EDC3: variants seen among roughly 807,000 people sequenced by gnomAD.
EDC3 encodes the protein enhancer of mRNA decapping 3, also known as enhancer of mRNA-decapping protein 3.
A neutral mutation model predicts 41.8 loss-of-function variants in EDC3; 20 were observed. That is an observed-to-expected ratio of 0.48 (90% confidence interval 0.34 to 0.70). The LOEUF (loss-of-function observed/expected upper bound fraction) is 0.70. Among genes scored for constraint, EDC3 ranks in the 30% least tolerant of loss-of-function variants. The pLI is 0.01. For missense variants in EDC3, 444 were observed against 636.8 expected (o/e 0.70, Z 3.26); for synonymous variants, 206 against 243.2 (o/e 0.85, Z 1.42).
intron 3 of EDC3, among the ~76,000 whole-genome samples, chr15:74,656,442 A>C (rs946908436): frequency 3.3e-4 from 32 of 96,440 alleles, no homozygotes; most frequent in East Asian, 1.3e-3. Context: ...CACACACACA[A>C]ACAACAACAA....
At chr15:74,656,752 T>G (rs1291656892) in intron 3 of EDC3, among the ~76,000 whole-genome samples, 2 of 152,150 alleles carry the variant, frequency 1.3e-5, no homozygotes, top group East Asian at 3.8e-4. Flanking sequence ...AATGTTGTCT[T>G]TTCTTAAACC....
rs1567154941 is a variant in EDC3 at position 74,640,453 on chromosome 15, T to C, written c.974+13A>G. The C allele has an allele frequency of 6.2e-7, 1 of 1,613,398 alleles. No homozygotes were observed. The highest frequency in any genetic ancestry group is 2.2e-5 in the East Asian group (1 of 44,878). ...ACTCCACATTGAGTCCCTGCCAGTT[T>C]ATAGACATTTACCTGTTAGGTCCTC... On this transcript the variant is annotated intron_variant, in intron 5 of 6. Transcript: ENST00000315127.
At chr15:74,660,823 G>A (rs546752956) in intron 3 of EDC3, among the ~76,000 whole-genome samples, 2 of 152,202 alleles carry the variant, frequency 1.3e-5, no homozygotes, top group South Asian at 4.1e-4. Context: ...TAAACTTTAT[G>A]AATTTTAATG....
intron 4 of EDC3, chr15:74,640,842 G>T: frequency 1.8e-6 from 1 of 565,938 alleles, no homozygotes; most frequent in Non-Finnish European, 3.1e-6. Flanking sequence ...CACAGAGTGG[G>T]GACAAACTTA....
intron 4 of EDC3, among the ~76,000 whole-genome samples, chr15:74,654,376 T>C (rs2141612310): frequency 6.6e-6 from 1 of 152,348 alleles, no homozygotes; most frequent in Admixed American, 6.5e-5. Context: ...CAGGAGCAGC[T>C]TCTTTTACAA....
intron 1 of EDC3, among the ~76,000 whole-genome samples, chr15:74,678,239 A>C (rs1035053608): frequency 2.0e-5 from 3 of 152,156 alleles, no homozygotes; most frequent in African/African-American, 4.8e-5. Context: ...TGGACTCTGG[A>C]TGACAACGAA....
At position 74,631,395 on chromosome 15, in the gene EDC3, G is replaced by C. The variant is rs1444635204; in HGVS notation, c.*1217C>G. On this transcript the variant is annotated 3_prime_UTR_variant, in exon 7 of 7. Coordinates refer to ENST00000315127, the MANE Select transcript of EDC3 (RefSeq NM_025083.5). ...AGATCCTGTTCTACCAGCCTCCAGGGCCTAGAGCTTGGCACCTTAGGATTT... is the reference window on the plus strand; with the variant it reads ...AGATCCTGTTCTACCAGCCTCCAGGCCCTAGAGCTTGGCACCTTAGGATTT... The C allele has an allele frequency of 6.6e-6, 1 of 152,248 alleles. No homozygotes were observed. Among genetic ancestry groups the C allele is most frequent in the Non-Finnish European group, 1.5e-5 (1 of 68,068 alleles). The allele number at this position is 152,248 out of a possible 1,614,324, so 9.4% of individuals were successfully genotyped here. A position where few individuals can be genotyped will look rare whatever the true frequency, so the allele number is the denominator to read the frequency against.
At chr15:74,664,400 C>G (rs1401600344) in intron 3 of EDC3, among the ~76,000 whole-genome samples, 2 of 152,268 alleles carry the variant, frequency 1.3e-5, no homozygotes, top group African/African-American at 2.4e-5. Context: ...TTACAAGGGC[C>G]ATGCAAGTAC....
intron 6 of EDC3, 74 bp from the exon 7 acceptor site, chr15:74,633,020 T>C (rs2062231179): frequency 6.7e-7 from 1 of 1,482,868 alleles, no homozygotes; most frequent in Non-Finnish European, 9.2e-7. Context: ...AGGGCCCAGG[T>C]CACCCCAAGG....
intron 4 of EDC3, among the ~76,000 whole-genome samples, chr15:74,649,407 C>T (rs2062455235): frequency 6.6e-6 from 1 of 152,136 alleles, no homozygotes; most frequent in African/African-American, 2.4e-5. Flanking sequence ...GTGTGAGCCA[C>T]TGCAGCCAAC....
rs1405591807 is a variant in EDC3 at position 74,667,999 on chromosome 15, G to C, written c.484+3456C>G. On this transcript the variant is annotated intron_variant, in intron 3 of 6. Coordinates refer to ENST00000315127, the MANE Select transcript of EDC3 (RefSeq NM_025083.5). ...CAGGTGATCAAGGTGAACATCAAAA[G>C]TTATAAACCATGGTGATAATATATA... Among the ~76,000 whole-genome samples, 3 of 152,132 alleles carry C rather than the reference G, an allele frequency of 2.0e-5. No homozygotes were observed. The East Asian group carries it at 5.8e-4, about 29-fold the overall frequency.
chr15:74,635,885 TGTTGCCACAACACC>T, intron 5 of EDC3: 1 of 521,370 alleles, frequency 1.9e-6, no homozygotes, highest in Non-Finnish European at 3.5e-6. Flanking sequence ...CACACAACAC[TGTTGCCACAACACC>T]GCTTTGCTGA....
Position 74,632,631 on chromosome 15 carries a change from A to G in EDC3, c.1508T>C (p.Ile503Thr), listed in dbSNP as rs2062225136. 6.2e-7 allele frequency: 1 copy of G among 1,613,918 alleles called. No homozygotes were observed. Among genetic ancestry groups the G allele is most frequent in the Non-Finnish European group, 8.5e-7 (1 of 1,180,030 alleles). The part of the protein sequence containing the change: ...YHSPFGCKFV[I>T]PLHSA ...AACCCTCTAAGCAGAGTGCAGTGGG[A>G]TAACAAACTTGCAGCCAAAGGGCGA... is the stretch of plus-strand genomic sequence containing the variant. The change falls in exon 7 of 7, where the codon ATC becomes ACC. Residue 503 changes from isoleucine (I) to threonine (T), a missense_variant. Physicochemically the swap from Ile to Thr is moderately conservative, Grantham distance 89. Around this residue, in one of 3 missense-constraint regions of EDC3, gnomAD observed 242 missense variants for 363.8 expected, o/e 0.67. Coordinates refer to ENST00000315127, the MANE Select transcript of EDC3 (RefSeq NM_025083.5). This position sits in a 1 kb window ranked among gnomAD's most constrained non-coding sequence, Gnocchi z 4.0.
chr15:74,659,224 A>G (rs1311725189), intron 3 of EDC3, among the ~76,000 whole-genome samples: 1 of 152,128 alleles, frequency 6.6e-6, no homozygotes, highest in Non-Finnish European at 1.5e-5. Flanking sequence ...GCACTTTGGG[A>G]GGCCGAGGTG....
chr15:74,686,057 T>C (rs1247964597), intron 1 of EDC3, among the ~76,000 whole-genome samples: 1 of 151,984 alleles, frequency 6.6e-6, no homozygotes, highest in Non-Finnish European at 1.5e-5. Flanking sequence ...CCGGGCGCAG[T>C]GGCTCACGCC....
chr15:74,666,833 T>C (rs1337411423), intron 3 of EDC3, among the ~76,000 whole-genome samples: 3 of 152,170 alleles, frequency 2.0e-5, no homozygotes, highest in Non-Finnish European at 2.9e-5. Flanking sequence ...TGAGCCTTAG[T>C]GTTTGCAAAT....
intron 4 of EDC3, among the ~76,000 whole-genome samples, chr15:74,654,060 G>A (rs896502861): frequency 3.3e-5 from 5 of 152,082 alleles, no homozygotes; most frequent in Admixed American, 6.5e-5. Flanking sequence ...AGACCAGCCT[G>A]GCCAACATAG....
chr15:74,685,747 C>T (rs894500647), intron 1 of EDC3, among the ~76,000 whole-genome samples: 9 of 152,042 alleles, frequency 5.9e-5, no homozygotes, highest in African/African-American at 2.2e-4. Context: ...CAGATGATAG[C>T]AGATGAATAT....
In EDC3 at chr15:74,651,307, G is replaced by A. The variant is rs186582261; in HGVS notation, c.820+4426C>T. Among the ~76,000 whole-genome samples, 318 of 152,354 alleles carry A rather than the reference G, an allele frequency of 2.1e-3. 1 individual carries two copies. Among genetic ancestry groups the A allele is most frequent in the African/African-American group, 7.1e-3 (295 of 41,592 alleles). Reference sequence around the variant, plus strand: ...AAGCTAGAGAAATGTCTGATGATCCGTGACTGCGGGAGACAGAAGCCCTGC... The same window carrying A: ...AAGCTAGAGAAATGTCTGATGATCCATGACTGCGGGAGACAGAAGCCCTGC... On this transcript the variant is annotated intron_variant, in intron 4 of 6. Transcript: ENST00000315127.
Sources: gnomAD v4.1 joint callset for allele counts (sites outside exome capture counted in the v4.1 genomes callset) on GRCh38, gnomAD v4.1.1 for gene constraint, gnomAD v4.1.1 regional missense constraint, Gnocchi (gnomAD v3.1) non-coding constraint, MANE v1.5 for transcripts, NCBI Gene and HGNC (gene_info 2026-07-23, HGNC 2026-07-21) for gene names.